Variants in NRG2 observed in about 807,000 individuals in gnomAD.
NRG2 encodes the protein pro-neuregulin-2, membrane-bound isoform.
NRG2 carries 27 observed loss-of-function variants against 73.9 expected under a neutral mutation model. The ratio of observed to expected loss-of-function variants is 0.37; its 90% CI spans 0.27 to 0.50. The LOEUF (loss-of-function observed/expected upper bound fraction) is 0.50, where lower values mean the gene tolerates loss of function less well. Ranked by LOEUF, NRG2 falls within the 20% of genes least tolerant of loss-of-function variation. NRG2 has a pLI of 0.96. For missense variants in NRG2, 1,126 were observed against 1,210.1 expected (o/e 0.93, Z 1.03); for synonymous variants, 532 against 541.0 (o/e 0.98, Z 0.23).
intron 3 of NRG2, among the ~76,000 whole-genome samples, chr5:139,874,065 T>C (rs1475800317): frequency 6.6e-6 from 1 of 151,574 alleles, no homozygotes; most frequent in East Asian, 1.9e-4. Context: ...CACTCCTCTG[T>C]AATGGCAGGG....
At chr5:140,012,462 C>G (rs917510557) in intron 1 of NRG2, among the ~76,000 whole-genome samples, 2 of 152,196 alleles carry the variant, frequency 1.3e-5, no homozygotes, top group African/African-American at 4.8e-5. Context: ...TTCCAATACC[C>G]TGGCTTCTCA....
chr5:139,936,593 C>A (rs184842679), intron 1 of NRG2, among the ~76,000 whole-genome samples: 2 of 152,126 alleles, frequency 1.3e-5, no homozygotes, highest in East Asian at 3.9e-4. Context: ...AGAAGGAATA[C>A]CAAATTCTAT....
intron 1 of NRG2, among the ~76,000 whole-genome samples, chr5:139,938,892 GAAAGAAAGAAAGAAA>G (rs1561693763): frequency 1.8e-4 from 13 of 73,726 alleles, no homozygotes; most frequent in African/African-American, 7.4e-4. Context: ...AGGAAAGAAA[GAAAGAAAGAAAGAAA>G]AGAAAGAAAG....
intron 1 of NRG2, among the ~76,000 whole-genome samples, chr5:140,039,795 T>C (rs1761778350): frequency 6.6e-6 from 1 of 152,168 alleles, no homozygotes. Context: ...AAAGCAACAA[T>C]GCAACCTCAG....
intron 1 of NRG2, among the ~76,000 whole-genome samples, chr5:139,911,367 G>A (rs1189255622): frequency 6.6e-6 from 1 of 152,208 alleles, no homozygotes; most frequent in Non-Finnish European, 1.5e-5. Context: ...GAGAGGGGAA[G>A]GACTGGGAGT....
intron 1 of NRG2, among the ~76,000 whole-genome samples, chr5:139,944,441 G>A (rs1052072597): frequency 1.3e-5 from 2 of 152,002 alleles, no homozygotes; most frequent in African/African-American, 4.8e-5. Context: ...AGTATCCTCT[G>A]TTCTACTTTT....
At chr5:139,948,286 C>A (rs558284367) in intron 1 of NRG2, among the ~76,000 whole-genome samples, 6 of 152,356 alleles carry the variant, frequency 3.9e-5, no homozygotes, top group Admixed American at 3.9e-4. Flanking sequence ...CGGAACCAGT[C>A]TCATTGCACT....
In NRG2 at chr5:139,893,906, C is replaced by T. The variant is rs1024235360; in HGVS notation, c.701-6395G>A. On this transcript the variant is annotated intron_variant, in intron 1 of 9. Coordinates refer to ENST00000361474, the MANE Select transcript of NRG2 (RefSeq NM_004883.3). ...GCCATGAGTTGGGCCACAGGGTATC[C>T]GGTGGCTTCTGCTTCCTATCTCCTG... 3.9e-5 allele frequency among the ~76,000 whole-genome samples: 6 copies of T among 152,210 alleles called. 1 individual carries two copies. The highest frequency in any genetic ancestry group is 1.4e-4 in the African/African-American group (6 of 41,460).
At chr5:139,848,760 TGGGGG>T in intron 9 of NRG2, 63 bp from the exon 10 acceptor site, 2 of 44,170 alleles carry the variant, frequency 4.5e-5, no homozygotes, top group African/African-American at 2.3e-4. Flanking sequence ...GAGGGGGGGT[TGGGGG>T]TGGGGTAGGG....
chr5:139,915,617 A>G lies in NRG2; in HGVS notation c.701-28106T>C, dbSNP rs998242348. On this transcript the variant is annotated intron_variant, in intron 1 of 9. Coordinates refer to ENST00000361474, the MANE Select transcript of NRG2 (RefSeq NM_004883.3). This position sits in a 1 kb window ranked among gnomAD's most constrained non-coding sequence, Gnocchi z 4.0. ...GGTGTCAGGCTGCACTGCCTGATCTACAGGTGTTTTCTCCGTATATTGTCT... is the reference window on the plus strand; with the variant it reads ...GGTGTCAGGCTGCACTGCCTGATCTGCAGGTGTTTTCTCCGTATATTGTCT... Among the ~76,000 whole-genome samples, 1 of 152,214 alleles carries G rather than the reference A, an allele frequency of 6.6e-6. No individual in the cohort carries two copies. The highest frequency in any genetic ancestry group is 6.5e-5 in the Admixed American group (1 of 15,290).
At chr5:139,992,395 T>G (rs1580895420) in intron 1 of NRG2, among the ~76,000 whole-genome samples, 1 of 152,182 alleles carries the variant, frequency 6.6e-6, no homozygotes, top group Non-Finnish European at 1.5e-5. Context: ...TTGTTTTGAG[T>G]TTTTTATGCA....
intron 2 of NRG2, among the ~76,000 whole-genome samples, chr5:139,886,085 C>T (rs1160373299): frequency 6.6e-6 from 1 of 152,158 alleles, no homozygotes; most frequent in Non-Finnish European, 1.5e-5. Flanking sequence ...CGCCACTGGC[C>T]ATGGCAAGTT....
rs143171445 is a variant in NRG2 at position 139,849,529 on chromosome 5, G to C, written c.1773-832C>G. ...TAATATCTCCCAGGCTGGATCCCGG[G>C]TACCTGTCCCCTTTTGTGCTCCACA... On this transcript the variant is annotated intron_variant, in intron 9 of 9. Transcript: ENST00000361474. Among the ~76,000 whole-genome samples the C allele has an allele frequency of 1.7e-3, 262 of 152,148 alleles. 1 individual carries two copies. The highest frequency in any genetic ancestry group is 5.9e-3 in the African/African-American group (245 of 41,502).
chr5:139,919,532 A>G (rs919353874), intron 1 of NRG2, among the ~76,000 whole-genome samples: 2 of 152,042 alleles, frequency 1.3e-5, no homozygotes, highest in African/African-American at 2.4e-5. Flanking sequence ...TGGCGTTATG[A>G]TAGTGTGAGT....
At chr5:139,906,989 G>C (rs1474052279) in intron 1 of NRG2, among the ~76,000 whole-genome samples, 1 of 152,158 alleles carries the variant, frequency 6.6e-6, no homozygotes, top group East Asian at 1.9e-4. Flanking sequence ...AGGGCTGTGT[G>C]TGTGCGTGTG....
In NRG2 at chr5:139,869,414, C is replaced by T. The variant is rs1403256576; in HGVS notation, c.1112+2307G>A. The T allele has an allele frequency of 2.0e-5, 3 of 152,236 alleles. No homozygotes were observed. The East Asian group carries it at 5.8e-4, about 29-fold the overall frequency. 9.4% of individuals were successfully genotyped at this position (152,236 alleles called of 1,614,324 possible). ...GTGAGTTCCGTTTCCTAAGTTCTTT[C>T]CTTTTTATTCCATTCAGGTGTCATC... is the stretch of plus-strand genomic sequence containing the variant. On this transcript the variant is annotated intron_variant, in intron 4 of 9. Coordinates refer to ENST00000361474, the MANE Select transcript of NRG2 (RefSeq NM_004883.3). The surrounding 1 kb of genome is among the most constrained non-coding windows in gnomAD (Gnocchi z 4.5).
chr5:139,962,430 A>G (rs1179030377), intron 1 of NRG2, among the ~76,000 whole-genome samples: 1 of 152,218 alleles, frequency 6.6e-6, no homozygotes, highest in African/African-American at 2.4e-5. Flanking sequence ...AGAACATTCT[A>G]GGCAGGGGGA....
chr5:139,867,798 ATGAG>A (rs1303030839), intron 4 of NRG2, among the ~76,000 whole-genome samples: 1 of 57,240 alleles, frequency 1.7e-5, no homozygotes, highest in African/African-American at 9.9e-5. Context: ...GTGTGTGTGT[ATGAG>A]TGTGTGTGTG....
At chr5:139,958,473 G>C (rs732482) in intron 1 of NRG2, among the ~76,000 whole-genome samples, 21,329 of 152,122 alleles carry the variant, frequency 0.14, 1,607 homozygotes, top group South Asian at 0.25. Context: ...AGTTGTTTGG[G>C]AGTTATTTGA....
Sources: allele counts gnomAD v4.1 joint callset (sites outside exome capture counted in the v4.1 genomes callset), GRCh38; gene constraint gnomAD v4.1.1; non-coding constraint Gnocchi (gnomAD v3.1); transcripts MANE v1.5; gene names NCBI Gene and HGNC (gene_info 2026-07-23, HGNC 2026-07-21).